DPP10: variants seen among roughly 807,000 people sequenced by gnomAD.
DPP10 encodes dipeptidyl peptidase like 10.
DPP10 carries 33 observed loss-of-function variants against 120.9 expected under a neutral mutation model. That is an observed-to-expected ratio of 0.27 (90% CI 0.21 to 0.37). The LOEUF is 0.37. DPP10 is among the 10% of genes least tolerant of loss of function. The pLI is 1.00. For synonymous variants in DPP10, 337 were observed against 326.1 expected, an observed-to-expected ratio of 1.03 and a Z score of -0.36; for missense variants, 816 against 942.8, an observed-to-expected ratio of 0.87 and a Z score of 1.76.
intron 21 of DPP10, among the ~76,000 whole-genome samples, chr2:115,816,508 A>G (rs369888858): frequency 2.0e-5 from 3 of 152,040 alleles, no homozygotes; most frequent in African/African-American, 7.2e-5. Context: ...TCTGCACGAT[A>G]TTTACTTATT....
At chr2:115,781,658 G>C (rs1034792033) in intron 16 of DPP10, among the ~76,000 whole-genome samples, 4 of 151,778 alleles carry the variant, frequency 2.6e-5, no homozygotes, top group South Asian at 2.1e-4. Flanking sequence ...CCTTTTTTAA[G>C]AGACAATGAG....
At chr2:115,713,542 A>G (rs1411336057) in intron 7 of DPP10, among the ~76,000 whole-genome samples, 1 of 152,198 alleles carries the variant, frequency 6.6e-6, no homozygotes, top group Non-Finnish European at 1.5e-5. Flanking sequence ...GGGGGTCACT[A>G]AGCCTAGTGT....
At chr2:114,481,927 GAGAA>G (rs1469991699) in intron 1 of DPP10, among the ~76,000 whole-genome samples, 1 of 148,958 alleles carries the variant, frequency 6.7e-6, no homozygotes, top group African/African-American at 2.5e-5. Flanking sequence ...GGAGAAGGAA[GAGAA>G]AGAGAAGAAG....
chr2:115,077,530 A>G (rs1023660505), intron 1 of DPP10, among the ~76,000 whole-genome samples: 4 of 152,240 alleles, frequency 2.6e-5, no homozygotes, highest in African/African-American at 9.6e-5. Context: ...TTCTAGAATT[A>G]AAAGGAATAC....
chr2:115,775,250 T>C (rs1472274515), intron 13 of DPP10, among the ~76,000 whole-genome samples: 2 of 151,922 alleles, frequency 1.3e-5, no homozygotes, highest in Non-Finnish European at 2.9e-5. Context: ...ATAGCACTTA[T>C]TAATCTAGTA....
intron 5 of DPP10, among the ~76,000 whole-genome samples, chr2:115,649,737 C>G (rs950174499): frequency 6.6e-6 from 1 of 151,984 alleles, no homozygotes; most frequent in Non-Finnish European, 1.5e-5. Context: ...AAAATGTGCT[C>G]CATGTTTTCA....
Position 114,995,406 on chromosome 2 carries a change from C to T in DPP10, c.61-313833C>T, listed in dbSNP as rs145093548. ...TTGGTTGAATTGAACCTGTTGAATG[C>T]CGTTATTGTTCCTTTCTCAGAAAAA... On this transcript the variant is annotated intron_variant, in intron 1 of 25. Coordinates refer to ENST00000410059, the MANE Select transcript of DPP10 (RefSeq NM_020868.6). 4.5e-5 allele frequency among the ~76,000 whole-genome samples: 5 copies of T among 111,180 alleles called. 1 individual carries two copies. In the East Asian group the frequency reaches 1.4e-3, roughly 30 times the overall value. The allele number at this position is 111,180 out of a possible 152,430, so 72.9% of individuals were successfully genotyped here. A position where few individuals can be genotyped will look rare whatever the true frequency, so the allele number is the denominator to read the frequency against.
intron 3 of DPP10, among the ~76,000 whole-genome samples, chr2:115,408,113 G>A (rs945848552): frequency 6.6e-6 from 1 of 152,016 alleles, no homozygotes; most frequent in Non-Finnish European, 1.5e-5. Context: ...CCATCCATGG[G>A]TGTTAAAGTG....
At chr2:114,639,622 C>G (rs1332849569) in intron 1 of DPP10, among the ~76,000 whole-genome samples, 1 of 151,798 alleles carries the variant, frequency 6.6e-6, no homozygotes. Context: ...TTTAACAAAC[C>G]TGCACATGTA....
chr2:115,026,563 TCTCA>T (rs375120647), intron 1 of DPP10, among the ~76,000 whole-genome samples: 52 of 152,266 alleles, frequency 3.4e-4, no homozygotes, highest in African/African-American at 1.1e-3. Flanking sequence ...TGAGACAGAC[TCTCA>T]CTCTGTCACT....
At chr2:114,536,336 C>T (rs1686483152) in intron 1 of DPP10, among the ~76,000 whole-genome samples, 1 of 152,038 alleles carries the variant, frequency 6.6e-6, no homozygotes, top group Non-Finnish European at 1.5e-5. Flanking sequence ...AAAATTCACT[C>T]ACTGGCCTAG....
intron 7 of DPP10, among the ~76,000 whole-genome samples, chr2:115,716,098 T>A (rs2092484371): frequency 6.6e-6 from 1 of 152,212 alleles, no homozygotes; most frequent in Non-Finnish European, 1.5e-5. Flanking sequence ...AGCTGAAGAA[T>A]TTGGTTTTTC....
chr2:114,524,737 A>G (rs976340563), intron 1 of DPP10, among the ~76,000 whole-genome samples: 5 of 152,214 alleles, frequency 3.3e-5, no homozygotes, highest in African/African-American at 1.2e-4. Flanking sequence ...AGGCATGCTA[A>G]GAGGATTCAT....
intron 1 of DPP10, among the ~76,000 whole-genome samples, chr2:115,119,780 G>A (rs955091773): frequency 6.6e-6 from 1 of 152,098 alleles, no homozygotes; most frequent in African/African-American, 2.4e-5. Context: ...GGATTATTTG[G>A]AATTTGATGG....
intron 1 of DPP10, among the ~76,000 whole-genome samples, chr2:114,800,996 G>A (rs960797242): frequency 5.9e-5 from 9 of 151,862 alleles, no homozygotes; most frequent in Non-Finnish European, 1.0e-4. Flanking sequence ...GGGCACGGTG[G>A]CTCACGCCTG....
In DPP10 at chr2:115,686,514, G is replaced by A. The variant is rs369978668; in HGVS notation, c.442-3173G>A. Reference sequence around the variant, plus strand: ...TAGTTGCTAATTCAGTGTTTATGCTGAGAATACAGGTAAAAACAACTGCAA... The same window carrying A: ...TAGTTGCTAATTCAGTGTTTATGCTAAGAATACAGGTAAAAACAACTGCAA... On this transcript the variant is annotated intron_variant, in intron 5 of 25. Coordinates refer to ENST00000410059, the MANE Select transcript of DPP10 (RefSeq NM_020868.6). Among the ~76,000 whole-genome samples the A allele has an allele frequency of 9.9e-5, 15 of 152,138 alleles. No homozygotes were observed. The East Asian group carries it at 1.4e-3, about 14-fold the overall frequency.
intron 1 of DPP10, among the ~76,000 whole-genome samples, chr2:114,730,541 T>C (rs758138940): frequency 1.3e-5 from 2 of 152,190 alleles, no homozygotes; most frequent in Non-Finnish European, 2.9e-5. Context: ...AATAGAGTCA[T>C]ATCAATATTA....
intron 3 of DPP10, among the ~76,000 whole-genome samples, chr2:115,378,125 T>A (rs565670738): frequency 0.011 from 1,677 of 152,248 alleles, 21 homozygotes; most frequent in African/African-American, 0.035. Context: ...TGGCATTGAA[T>A]CTGTAAATTA....
chr2:115,306,255 A>G (rs574286047), intron 1 of DPP10, among the ~76,000 whole-genome samples: 24 of 152,162 alleles, frequency 1.6e-4, no homozygotes, highest in African/African-American at 5.3e-4. Flanking sequence ...GAAATTCCCA[A>G]GAGAAGAGAC....
Sources: allele counts gnomAD v4.1 joint callset (sites outside exome capture counted in the v4.1 genomes callset), GRCh38; gene constraint gnomAD v4.1.1; transcripts MANE v1.5; gene names NCBI Gene and HGNC (gene_info 2026-07-23, HGNC 2026-07-21).